Variants in OTOG observed in about 807,000 individuals in gnomAD.
OTOG encodes otogelin.
OTOG carries 296 observed loss-of-function variants against 313.8 expected under a neutral mutation model. The observed-to-expected ratio is 0.94, with a 90% confidence interval of 0.86 to 1.04. The LOEUF is 1.04. Ranked by LOEUF, OTOG falls within the 50% of genes least tolerant of loss-of-function variation. OTOG has a pLI of 0.00. For missense variants in OTOG, 3,948 were observed against 3,840.1 expected (o/e 1.03, Z -0.74); for synonymous variants, 1,533 against 1,554.9 (o/e 0.99, Z 0.33).
rs905866065 is a variant in OTOG, at chr11:17,611,008, G to A, written c.5708G>A (p.Arg1903Gln). ...GTASMVSVVP[R>Q]KSTTGKVAIL... ...GCCTCCATGGTATCTGTTGTCCCACGAAAGAGCACCACAGGGAAGGTGGCC... is the reference window on the plus strand; with the variant it reads ...GCCTCCATGGTATCTGTTGTCCCACAAAAGAGCACCACAGGGAAGGTGGCC... The change falls in exon 36 of 56, where the codon CGA (arginine) becomes CAA (glutamine). Residue 1903 changes from arginine to glutamine, a missense_variant. By Grantham distance (43) the Arg-to-Gln change is conservative. Transcript: ENST00000399397. 7.1e-6 allele frequency: 11 copies of A among 1,550,426 alleles called. No individual in the cohort carries two copies. Among genetic ancestry groups the A allele is most frequent in the South Asian group, 4.8e-5 (4 of 84,058 alleles).
intron 44 of OTOG, 98 bp from the exon 45 acceptor site, chr11:17,634,739 TGGGGCCA>T: frequency 3.3e-6 from 3 of 901,386 alleles, no homozygotes; most frequent in Non-Finnish European, 5.1e-6. Flanking sequence ...GGGGGAGGAG[TGGGGCCA>T]GGCGTCCAGG....
intron 23 of OTOG, among the ~76,000 whole-genome samples, chr11:17,584,315 T>C (rs186375535): frequency 6.0e-4 from 92 of 152,360 alleles, no homozygotes; most frequent in African/African-American, 2.0e-3. Flanking sequence ...TATTGTGCTG[T>C]ATTGGACTTA....
chr11:17,640,624 C>T, intron 49 of OTOG, 121 bp from the exon 50 acceptor site: 1 of 1,092,406 alleles, frequency 9.2e-7, no homozygotes, highest in Non-Finnish European at 1.3e-6. Context: ...CCAGGCCTGC[C>T]AGCCCCCCTC....
rs940869941 is a variant in OTOG at position 17,561,764 on chromosome 11, C to T, written c.1601C>T (p.Ser534Leu). 7 of 1,550,562 alleles carry T rather than the reference C, an allele frequency of 4.5e-6. No individual in the cohort carries two copies. Among genetic ancestry groups the T allele is most frequent in the Middle Eastern group, 1.7e-4 (1 of 5,992 alleles). ...TACATCCTGGCCAAGAGCCGCTCTT[C>T]GGGCACCTTCACCGTGACATTGCAG... ...CQYILAKSRSSGTFTVTLQNA... is the reference protein window; with the variant it reads ...CQYILAKSRSLGTFTVTLQNA... The change falls in exon 15 of 56, where the codon TCG becomes TTG. Residue 534 changes from serine to leucine, a missense_variant. Transcript: ENST00000399397.
At position 17,629,156 on chromosome 11, in the gene OTOG, G is replaced by A. The variant is rs1478612794; in HGVS notation, c.6552G>A (p.Val2184=). 6 of 1,550,290 alleles carry A rather than the reference G, an allele frequency of 3.9e-6. No individual in the cohort carries two copies. The highest frequency in any genetic ancestry group is 5.2e-6 in the Non-Finnish European group (6 of 1,146,912). The change falls in exon 40 of 56, where the codon GTG becomes GTA. Residue 2184 remains valine (V), a synonymous_variant. Transcript: ENST00000399397. ...AGGTGACTGTGGACTTGCAGCCTGT[G>A]TGGCCACCGGTGAGCAGGTATGGAT... ...NRKVTVDLQP[V]WPPVSRYGFR... is the part of the protein sequence containing the mutation.
At chr11:17,584,206 T>C (rs150402600) in intron 23 of OTOG, among the ~76,000 whole-genome samples, 1 of 152,344 alleles carries the variant, frequency 6.6e-6, no homozygotes, top group East Asian at 1.9e-4. Context: ...TTTCTTTGGG[T>C]AGATTCTTTA....
intron 48 of OTOG, 101 bp from the exon 49 acceptor site, chr11:17,639,322 C>A: frequency 7.7e-7 from 1 of 1,305,124 alleles, no homozygotes; most frequent in Non-Finnish European, 1.1e-6. Flanking sequence ...GCTGGGTCTT[C>A]AGAAGACGGG....
chr11:17,607,932 G>C (rs1480598285), intron 33 of OTOG, among the ~76,000 whole-genome samples: 2 of 152,182 alleles, frequency 1.3e-5, no homozygotes, highest in African/African-American at 4.8e-5. Context: ...TCCCAGAGGG[G>C]CAGGGTGGGT....
At chr11:17,623,651 G>A (rs996480330) in intron 39 of OTOG, among the ~76,000 whole-genome samples, 1 of 152,156 alleles carries the variant, frequency 6.6e-6, no homozygotes, top group Non-Finnish European at 1.5e-5. Flanking sequence ...ATATTCCTCT[G>A]GGTATATACC....
intron 17 of OTOG, among the ~76,000 whole-genome samples, chr11:17,571,606 A>G (rs1054317265): frequency 6.6e-6 from 1 of 152,088 alleles, no homozygotes; most frequent in Non-Finnish European, 1.5e-5. Flanking sequence ...TCTTACCCCC[A>G]TGGTGTTTGA....
At chr11:17,568,259 T>C (rs117911985) in intron 15 of OTOG, among the ~76,000 whole-genome samples, 589 of 152,300 alleles carry the variant, frequency 3.9e-3, no homozygotes, top group Admixed American at 6.9e-3. Flanking sequence ...TGAATATATA[T>C]AGAGAGATTT....
chr11:17,634,418 GGAGAA>G, intron 44 of OTOG, 137 bp downstream of exon 44: 4 of 979,432 alleles, frequency 4.1e-6, no homozygotes, highest in South Asian at 1.6e-5. Context: ...TTGGAGGAGG[GGAGAA>G]CCCTCCCTGG....
At chr11:17,549,014 G>A (rs950049074) in intron 3 of OTOG, among the ~76,000 whole-genome samples, 12 of 152,124 alleles carry the variant, frequency 7.9e-5, no homozygotes, top group Non-Finnish European at 1.6e-4. Flanking sequence ...ACTGAGCCCG[G>A]CCTCTATCCT....
At position 17,594,393 on chromosome 11, in the gene OTOG, C is replaced by A. The variant is rs374481989; in HGVS notation, c.3408+227C>A. The stretch of plus-strand genomic sequence containing the variant: ...TGCCCACCCTACCCTGGACCAAGCC[C>A]TGGTAGGGTGGTGGAGGGTTGGGAA... On this transcript the variant is annotated intron_variant, in intron 28 of 55. Coordinates refer to ENST00000399397, the MANE Select transcript of OTOG (RefSeq NM_001292063.2). 4.2e-4 allele frequency among the ~76,000 whole-genome samples: 64 copies of A among 152,298 alleles called. No individual in the cohort carries two copies. The East Asian group carries it at 7.3e-3, about 17-fold the overall frequency.
chr11:17,556,459 C>A (rs1852059844), intron 7 of OTOG, among the ~76,000 whole-genome samples: 1 of 152,200 alleles, frequency 6.6e-6, no homozygotes, highest in Non-Finnish European at 1.5e-5. Context: ...ACTGTCACTT[C>A]TTGTTGCTGT....
rs566656846 is a variant in OTOG, at chr11:17,641,020, G to A, written c.8119G>A (p.Val2707Met). 54 of 1,548,058 alleles carry A rather than the reference G, an allele frequency of 3.5e-5. No individual in the cohort carries two copies. In the East Asian group the frequency reaches 3.9e-4, roughly 11 times the overall value. Residue 2707 changes from valine (V) to methionine (M), a missense_variant, in exon 51 of 56, where the codon GTG (valine) becomes ATG (methionine). Coordinates refer to ENST00000399397, the MANE Select transcript of OTOG (RefSeq NM_001292063.2). ...GVCHTSRCTT[V>M]LDPLTNFYQI... is the part of the protein sequence containing the mutation. ...GTGCCACACCTCCCGCTGCACCACC[G>A]TGCTCGACCCTCTCACCAACTTCTA... is the stretch of plus-strand genomic sequence containing the variant.
chr11:17,553,213 T>A lies in OTOG; in HGVS notation c.385+2T>A. 1 of 1,550,090 alleles carries A rather than the reference T, an allele frequency of 6.5e-7. No individual in the cohort carries two copies. The highest frequency in any genetic ancestry group is 8.7e-7 in the Non-Finnish European group (1 of 1,146,876). The stretch of plus-strand genomic sequence containing the variant: ...CCACTGGACCGCGCTGCCAGATGGG[T>A]GGGTCTGGGCTCCACCCCACCCCCA... On this transcript the variant is annotated splice_donor_variant, in intron 5 of 55. Coordinates refer to ENST00000399397, the MANE Select transcript of OTOG (RefSeq NM_001292063.2). LOFTEE classifies it high-confidence loss of function.
intron 48 of OTOG, chr11:17,638,786 A>C (rs1288978079): frequency 6.6e-7 from 1 of 1,512,344 alleles, no homozygotes. Flanking sequence ...CATTCCAAAG[A>C]GGGTTTCCGT....
chr11:17,614,800 A>G (rs1289417021), intron 39 of OTOG, among the ~76,000 whole-genome samples: 1 of 152,246 alleles, frequency 6.6e-6, no homozygotes, highest in East Asian at 1.9e-4. Flanking sequence ...CAGTTGAAAG[A>G]TATTTGAGTT....
Sources: gnomAD v4.1 joint callset for allele counts (sites outside exome capture counted in the v4.1 genomes callset) on GRCh38, gnomAD v4.1.1 for gene constraint, MANE v1.5 for transcripts, NCBI Gene and HGNC (gene_info 2026-07-23, HGNC 2026-07-21) for gene names.